ANKS1A: variants seen among roughly 807,000 people sequenced by gnomAD.
The protein encoded by ANKS1A is ankyrin repeat and sterile alpha motif domain containing 1A.
ANKS1A carries 55 observed loss-of-function variants against 120.3 expected under a neutral mutation model. The observed-to-expected ratio is 0.46, with a 90% CI of 0.37 to 0.57. ANKS1A has a LOEUF of 0.57. ANKS1A is among the 20% of genes least tolerant of loss of function. The pLI is 0.00. For missense variants in ANKS1A, 1,123 were observed against 1,480.3 expected (o/e 0.76, Z 3.96); for synonymous variants, 590 against 604.7 (o/e 0.98, Z 0.36).
At chr6:34,988,334 C>T (rs1050426218) in intron 8 of ANKS1A, among the ~76,000 whole-genome samples, 6 of 152,184 alleles carry the variant, frequency 3.9e-5, no homozygotes, top group African/African-American at 1.4e-4. Flanking sequence ...CGGTGGCTTA[C>T]GCCTGTAATC....
At chr6:34,996,383 G>A (rs898483386) in intron 10 of ANKS1A, among the ~76,000 whole-genome samples, 8 of 151,374 alleles carry the variant, frequency 5.3e-5, no homozygotes, top group Admixed American at 5.3e-4. Context: ...TTGTCTTTTT[G>A]TTGCCTTAAC....
intron 1 of ANKS1A, among the ~76,000 whole-genome samples, chr6:34,946,496 G>A (rs1234224487): frequency 6.6e-6 from 1 of 151,636 alleles, no homozygotes; most frequent in East Asian, 2.0e-4. Flanking sequence ...GCTGAGGTGG[G>A]AGAATTGCTT....
chr6:35,094,396 C>T (rs1189063814), downstream of ANKS1A, among the ~76,000 whole-genome samples: 1 of 149,742 alleles, frequency 6.7e-6, no homozygotes, highest in Admixed American at 6.7e-5. Context: ...GCCGAGATTG[C>T]GTCACTGCAC....
At chr6:34,913,204 A>G (rs917620212) in intron 1 of ANKS1A, among the ~76,000 whole-genome samples, 1 of 152,234 alleles carries the variant, frequency 6.6e-6, no homozygotes, top group African/African-American at 2.4e-5. Context: ...CCCCAATATA[A>G]ATAACTAGTC....
Position 35,086,359 on chromosome 6 carries a change from T to C in ANKS1A, c.3303+423T>C, listed in dbSNP as rs1777978995. 7.7e-7 allele frequency: 1 copy of C among 1,297,030 alleles called. No individual in the cohort carries two copies. Among genetic ancestry groups the C allele is most frequent in the Non-Finnish European group, 1.0e-6 (1 of 994,054 alleles). The allele number at this position is 1,297,030 out of a possible 1,614,324, so 80.3% of individuals were successfully genotyped here. On this transcript the variant is annotated intron_variant, in intron 22 of 23. Transcript: ENST00000360359. The surrounding 1 kb of genome is among the most constrained non-coding windows in gnomAD (Gnocchi z 5.1). ...ACCTACCGCTGCCATCTGTTAGTCCTGGAGTCAAGGTCTTTACGCCTCCTG... is the reference window on the plus strand; with the variant it reads ...ACCTACCGCTGCCATCTGTTAGTCCCGGAGTCAAGGTCTTTACGCCTCCTG...
intron 1 of ANKS1A, among the ~76,000 whole-genome samples, chr6:34,938,526 A>G (rs144980396): frequency 1.4e-4 from 21 of 152,370 alleles, no homozygotes; most frequent in Non-Finnish European, 2.4e-4. Flanking sequence ...ATAACCGAAC[A>G]CACTCATTCT....
At chr6:34,920,218 C>A (rs1768365515) in intron 1 of ANKS1A, among the ~76,000 whole-genome samples, 1 of 150,750 alleles carries the variant, frequency 6.6e-6, no homozygotes, top group Non-Finnish European at 1.5e-5. Flanking sequence ...TGTTGTTTTT[C>A]TTTCTTTATT....
Position 35,085,908 on chromosome 6 carries a change from A to C in ANKS1A, c.3275A>C (p.Lys1092Thr). ...IETKSSKPVP[K>T]PRVGVRKSAL... is the part of the protein sequence containing the mutation. Reference sequence around the variant, plus strand: ...ACAAAATCTTCCAAACCGGTGCCTAAGCCTCGGGTCGGCGTGAGGAAATCC... The same window carrying C: ...ACAAAATCTTCCAAACCGGTGCCTACGCCTCGGGTCGGCGTGAGGAAATCC... Residue 1092 changes from lysine to threonine, a missense_variant, in exon 22 of 24, where the codon AAG becomes ACG. Lys to Thr is a moderately conservative substitution (Grantham distance 78, BLOSUM62 -1). Coordinates refer to ENST00000360359, the MANE Select transcript of ANKS1A (RefSeq NM_015245.3). This position sits in a 1 kb window ranked among gnomAD's most constrained non-coding sequence, Gnocchi z 4.7. 6.2e-7 allele frequency: 1 copy of C among 1,612,172 alleles called. No homozygotes were observed. Among genetic ancestry groups the C allele is most frequent in the Non-Finnish European group, 8.5e-7 (1 of 1,179,476 alleles).
intron 3 of ANKS1A, among the ~76,000 whole-genome samples, chr6:34,973,711 T>C (rs1771297548): frequency 6.6e-6 from 1 of 152,208 alleles, no homozygotes; most frequent in African/African-American, 2.4e-5. Context: ...CCCTATGGGC[T>C]GGACCTAGGA....
At position 34,994,381 on chromosome 6, in the gene ANKS1A, C is replaced by A. The variant is rs1772738014; in HGVS notation, c.1382C>A (p.Ala461Glu). The change falls in exon 10 of 24, where the codon GCA becomes GAA. Residue 461 changes from alanine (A) to glutamate (E), a missense_variant. Coordinates refer to ENST00000360359, the MANE Select transcript of ANKS1A (RefSeq NM_015245.3). The part of the protein sequence containing the change: ...DEHPYELLLT[A>E]ETKKVVLVDG... ...CACCCTTATGAACTGTTGTTAACAG[C>A]AGAGACAAAGAAAGTGGTGTTGGTG... 6.2e-7 allele frequency: 1 copy of A among 1,613,380 alleles called. No individual in the cohort carries two copies. The highest frequency in any genetic ancestry group is 1.1e-5 in the South Asian group (1 of 91,074).
Position 34,985,170 on chromosome 6 carries a change from C to T in ANKS1A, c.1101C>T (p.Ala367=), listed in dbSNP as rs1772125054. The change falls in exon 8 of 24, where the codon GCC becomes GCT. Residue 367 remains alanine (A), a synonymous_variant. Coordinates refer to ENST00000360359, the MANE Select transcript of ANKS1A (RefSeq NM_015245.3). ...GTCCCTACGAAGCTCTGTATAATGC[C>T]ATCTCCTGCCATTCGTTGGACAGCA... is the stretch of plus-strand genomic sequence containing the variant. ...EEGPYEALYN[A]ISCHSLDSMA... 6.2e-7 allele frequency: 1 copy of T among 1,614,156 alleles called. No homozygotes were observed. Among genetic ancestry groups the T allele is most frequent in the African/African-American group, 1.3e-5 (1 of 75,030 alleles).
chr6:34,991,192 T>C (rs2127535091), intron 9 of ANKS1A, among the ~76,000 whole-genome samples: 1 of 152,274 alleles, frequency 6.6e-6, no homozygotes, highest in African/African-American at 2.4e-5. Context: ...TAGAAGCCTT[T>C]AGGAGAAGCC....
Position 35,090,618 on chromosome 6 carries a change from A to C in ANKS1A, c.*2009A>C. 1.0e-6 allele frequency: 1 copy of C among 991,698 alleles called. No individual in the cohort carries two copies. The highest frequency in any genetic ancestry group is 1.2e-6 in the Non-Finnish European group (1 of 833,914). The allele number at this position is 991,698 out of a possible 1,614,324, so 61.4% of individuals were successfully genotyped here. A position where few individuals can be genotyped will look rare whatever the true frequency, so the allele number is the denominator to read the frequency against. On this transcript the variant is annotated 3_prime_UTR_variant, in exon 24 of 24. Coordinates refer to ENST00000360359, the MANE Select transcript of ANKS1A (RefSeq NM_015245.3). Reference sequence around the variant, plus strand: ...TATTTCTGAATATTCAAGAAAGGAAAATGACTGGGCCTTTCTTTCTTTTCT... The same window carrying C: ...TATTTCTGAATATTCAAGAAAGGAACATGACTGGGCCTTTCTTTCTTTTCT...
rs541979570 is a variant in ANKS1A at position 34,928,129 on chromosome 6, G to C, written c.197+38530G>C. Among the ~76,000 whole-genome samples, 5 of 152,274 alleles carry C rather than the reference G, an allele frequency of 3.3e-5. No homozygotes were observed. In the South Asian group the frequency reaches 1.0e-3, roughly 32 times the overall value. On this transcript the variant is annotated intron_variant, in intron 1 of 23. Transcript: ENST00000360359. ...TTTCAGAGTGTCCAGTGGGACTTGG[G>C]CTTCAAACCTGTTTTCCCTTCATAA...
chr6:34,991,707 T>C (rs372354638), intron 9 of ANKS1A, among the ~76,000 whole-genome samples: 2 of 73,942 alleles, frequency 2.7e-5, no homozygotes, highest in South Asian at 4.6e-4. Flanking sequence ...TATATACATA[T>C]ATACACATAT....
At chr6:35,028,232 A>G (rs1208031394) in intron 11 of ANKS1A, among the ~76,000 whole-genome samples, 1 of 152,192 alleles carries the variant, frequency 6.6e-6, no homozygotes, top group Admixed American at 6.5e-5. Flanking sequence ...GTGGGCATAC[A>G]GTCCTGGTTT....
At chr6:34,961,962 G>A (rs1218611441) in intron 1 of ANKS1A, among the ~76,000 whole-genome samples, 1 of 152,162 alleles carries the variant, frequency 6.6e-6, no homozygotes, top group African/African-American at 2.4e-5. Flanking sequence ...CTGATTTCGT[G>A]TGTGATTTGG....
intron 11 of ANKS1A, chr6:35,038,324 A>G: frequency 2.2e-6 from 1 of 456,694 alleles, no homozygotes; most frequent in Non-Finnish European, 4.4e-6. Flanking sequence ...GGAACTTTGC[A>G]TTCTTACTGA....
chr6:34,977,569 T>C (rs572268056), intron 3 of ANKS1A, among the ~76,000 whole-genome samples: 17 of 152,328 alleles, frequency 1.1e-4, no homozygotes, highest in Admixed American at 2.0e-4. Flanking sequence ...AACTCATTAC[T>C]ACTTGGCAGC....
Sources: allele counts gnomAD v4.1 joint callset (sites outside exome capture counted in the v4.1 genomes callset), GRCh38; gene constraint gnomAD v4.1.1; non-coding constraint Gnocchi (gnomAD v3.1); transcripts MANE v1.5; gene names NCBI Gene and HGNC (gene_info 2026-07-23, HGNC 2026-07-21).